The following COL25A1 variants were observed in gnomAD, a reference collection of about 807,000 sequenced individuals.
COL25A1 encodes the protein collagen type XXV alpha 1 chain.
COL25A1 carries 103 observed loss-of-function variants against 128.4 expected under a neutral mutation model. That is an observed-to-expected ratio of 0.80 (90% CI 0.68 to 0.94). COL25A1 has a LOEUF of 0.94. Ranked by LOEUF, COL25A1 falls within the 40% of genes least tolerant of loss-of-function variation. The pLI is 0.00. For synonymous variants in COL25A1, 279 were observed against 277.2 expected (o/e 1.01, Z -0.06); for missense variants, 745 against 840.0 (o/e 0.89, Z 1.40).
intron 3 of COL25A1, among the ~76,000 whole-genome samples, chr4:109,154,945 A>G (rs1172959780): frequency 6.6e-6 from 1 of 152,114 alleles, no homozygotes; most frequent in Non-Finnish European, 1.5e-5. Flanking sequence ...AGCAAGGGGG[A>G]AAATGATCAT....
Position 108,861,229 on chromosome 4 carries a change from A to G in COL25A1, c.1198-258T>C, listed in dbSNP as rs182713136. On this transcript the variant is annotated intron_variant, in intron 22 of 37. Coordinates refer to ENST00000399132, the MANE Select transcript of COL25A1 (RefSeq NM_198721.4). ...CAATATATATGGTAACTGTCTCACTAGGTAGGATCTGCAAAGGCAAAGCAA... is the reference window on the plus strand; with the variant it reads ...CAATATATATGGTAACTGTCTCACTGGGTAGGATCTGCAAAGGCAAAGCAA... 1.5e-4 allele frequency among the ~76,000 whole-genome samples: 23 copies of G among 152,326 alleles called. No individual in the cohort carries two copies. The East Asian group carries it at 3.7e-3, about 24-fold the overall frequency.
At chr4:108,831,611 G>T (rs534089637) in intron 32 of COL25A1, among the ~76,000 whole-genome samples, 2 of 151,266 alleles carry the variant, frequency 1.3e-5, no homozygotes, top group East Asian at 3.9e-4. Context: ...ATTCCACTCA[G>T]ACACACAAAA....
At chr4:109,021,751 C>A (rs185365489) in intron 5 of COL25A1, 5 of 453,252 alleles carry the variant, frequency 1.1e-5, no homozygotes, top group African/African-American at 1.0e-4. Context: ...ATATTAAGAC[C>A]CTAGGAAAAG....
chr4:109,142,836 C>T (rs917499478), intron 3 of COL25A1, among the ~76,000 whole-genome samples: 36 of 152,162 alleles, frequency 2.4e-4, no homozygotes, highest in South Asian at 4.2e-4. Context: ...GAATACAGCA[C>T]ACTGATGGGT....
chr4:108,862,699 T>C (rs1473525171), intron 21 of COL25A1, among the ~76,000 whole-genome samples, 154 bp from the exon 22 acceptor site: 2 of 152,228 alleles, frequency 1.3e-5, no homozygotes, highest in Non-Finnish European at 2.9e-5. Flanking sequence ...TGTCGGTTAT[T>C]ATAATACTAA....
Position 109,077,436 on chromosome 4 carries a change from C to T in COL25A1, c.368-27257G>A, listed in dbSNP as rs916396616. ...TCTATTGCCTCTTCCCACCACCACC[C>T]CCCCGCCCCCAACACTCCTGCTAAG... On this transcript the variant is annotated intron_variant, in intron 3 of 37. Transcript: ENST00000399132. Among the ~76,000 whole-genome samples, 5 of 151,980 alleles carry T rather than the reference C, an allele frequency of 3.3e-5. No homozygotes were observed. The South Asian group carries it at 8.3e-4, about 25-fold the overall frequency.
At chr4:108,945,212 G>A (rs1035972215) in intron 8 of COL25A1, among the ~76,000 whole-genome samples, 2 of 152,134 alleles carry the variant, frequency 1.3e-5, no homozygotes, top group African/African-American at 4.8e-5. Context: ...TAGGGTTTTA[G>A]CATTCAAAAT....
chr4:109,068,811 T>C (rs979575630), intron 3 of COL25A1, among the ~76,000 whole-genome samples: 38 of 152,236 alleles, frequency 2.5e-4, no homozygotes, highest in African/African-American at 7.9e-4. Context: ...TGGCTCTGGG[T>C]TCGGTGGTAC....
At chr4:109,070,636 A>ATT (rs1001972997) in intron 3 of COL25A1, among the ~76,000 whole-genome samples, 1 of 151,016 alleles carries the variant, frequency 6.6e-6, no homozygotes, top group African/African-American at 2.4e-5. Flanking sequence ...TGCTGCACCC[A>ATT]TTAACTCGTC....
intron 3 of COL25A1, among the ~76,000 whole-genome samples, chr4:109,076,807 G>A (rs368688285): frequency 4.7e-4 from 72 of 151,858 alleles, no homozygotes; most frequent in African/African-American, 1.5e-3. Flanking sequence ...CATAAGGAAC[G>A]CACAACCTAG....
At chr4:109,242,553 T>A (rs1479061223) in intron 3 of COL25A1, among the ~76,000 whole-genome samples, 1 of 152,082 alleles carries the variant, frequency 6.6e-6, no homozygotes, top group Non-Finnish European at 1.5e-5. Flanking sequence ...CAGGAGACCA[T>A]AAGTCACATA....
chr4:108,827,177 T>C lies in COL25A1; in HGVS notation c.1722A>G (p.Gly574=), dbSNP rs1463801172. ...AGPKGERGEK[G]AMGEPGPRGP... ...CTCTTGGTCCAGGCTCTCCCATAGC[T>C]CCTTTTTCACCCTAAAATGAAAAGT... is the stretch of plus-strand genomic sequence containing the variant. The change falls in exon 33 of 38, where the codon GGA becomes GGG. Residue 574 remains glycine (G), a synonymous_variant. Coordinates refer to ENST00000399132, the MANE Select transcript of COL25A1 (RefSeq NM_198721.4). The C allele has an allele frequency of 1.9e-6, 3 of 1,613,750 alleles. No homozygotes were observed. In the African/African-American group the frequency reaches 4.0e-5, roughly 22 times the overall value.
intron 8 of COL25A1, among the ~76,000 whole-genome samples, chr4:108,970,202 T>C (rs1171244835): frequency 2.6e-5 from 4 of 152,166 alleles, no homozygotes; most frequent in Non-Finnish European, 5.9e-5. Context: ...GCATCTGGCC[T>C]CTAAAATATT....
chr4:109,049,889 T>C (rs1760823298), intron 4 of COL25A1, among the ~76,000 whole-genome samples: 1 of 152,138 alleles, frequency 6.6e-6, no homozygotes, highest in South Asian at 2.1e-4. Flanking sequence ...AAGCCCCAAA[T>C]GGGTACCAAT....
At chr4:109,080,356 T>A (rs868481808) in intron 3 of COL25A1, among the ~76,000 whole-genome samples, 1 of 151,974 alleles carries the variant, frequency 6.6e-6, no homozygotes, top group African/African-American at 2.4e-5. Flanking sequence ...ATAATAATAA[T>A]AAATACAGTA....
chr4:109,179,317 C>T (rs180964570), intron 3 of COL25A1, among the ~76,000 whole-genome samples: 1 of 152,222 alleles, frequency 6.6e-6, no homozygotes, highest in South Asian at 2.1e-4. Context: ...CCTGACACAA[C>T]AGCTGTTTGG....
At chr4:109,084,606 G>T (rs948000855) in intron 3 of COL25A1, among the ~76,000 whole-genome samples, 1 of 152,124 alleles carries the variant, frequency 6.6e-6, no homozygotes, top group African/African-American at 2.4e-5. Context: ...AATTCCCTGA[G>T]AATTTATTCT....
At chr4:109,239,420 A>ATGTATATATATATATATATG in intron 3 of COL25A1, among the ~76,000 whole-genome samples, 1 of 124,340 alleles carries the variant, frequency 8.0e-6, no homozygotes, top group Admixed American at 8.2e-5. Context: ...ATATATATAT[A>ATGTATATATATATATATATG]TATTTATTTA....
At chr4:108,966,964 A>G (rs1322472429) in intron 8 of COL25A1, among the ~76,000 whole-genome samples, 1 of 152,064 alleles carries the variant, frequency 6.6e-6, no homozygotes, top group Non-Finnish European at 1.5e-5. Context: ...AAAAAGAAAG[A>G]AAGAAAAAGA....
Sources: allele counts gnomAD v4.1 joint callset (sites outside exome capture counted in the v4.1 genomes callset), GRCh38; gene constraint gnomAD v4.1.1; transcripts MANE v1.5; gene names NCBI Gene and HGNC (gene_info 2026-07-23, HGNC 2026-07-21).